The following THOC7 variants were observed in gnomAD, a reference collection of about 807,000 sequenced individuals.
The protein encoded by THOC7 is THO complex subunit 7.
A neutral mutation model predicts 33.1 loss-of-function variants in THOC7; 22 were observed. The observed-to-expected ratio is 0.66, with a 90% confidence interval of 0.47 to 0.95. The LOEUF (loss-of-function observed/expected upper bound fraction) is 0.95. THOC7 is among the 40% of genes least tolerant of loss of function. THOC7 has a pLI of 0.00. For missense variants in THOC7, 184 were observed against 245.3 expected (o/e 0.75, Z 1.67); for synonymous variants, 77 against 76.8 (o/e 1.00, Z -0.01).
At chr3:63,850,043 T>C (rs1701988106) in intron 1 of THOC7, among the ~76,000 whole-genome samples, 1 of 152,146 alleles carries the variant, frequency 6.6e-6, no homozygotes, top group South Asian at 2.1e-4. Context: ...TGGGGACAAC[T>C]TTTCCCAAGA....
intron 1 of THOC7, among the ~76,000 whole-genome samples, chr3:63,850,037 GACA>G (rs1238371737): frequency 4.6e-5 from 7 of 152,070 alleles, no homozygotes; most frequent in African/African-American, 1.7e-4. Flanking sequence ...TCATGCTGGG[GACA>G]ACTTTTCCCA....
At chr3:63,836,487 A>T in intron 4 of THOC7, 129 bp from the exon 5 acceptor site, 1 of 807,828 alleles carries the variant, frequency 1.2e-6, no homozygotes, top group Admixed American at 2.3e-5. Flanking sequence ...TCACTGAAAG[A>T]TGAGTATTGC....
chr3:63,859,368 CCTCCT>C, intron 1 of THOC7, among the ~76,000 whole-genome samples: 1 of 152,342 alleles, frequency 6.6e-6, no homozygotes, highest in Non-Finnish European at 1.5e-5. Context: ...CTCCCTTTTA[CCTCCT>C]TTTGCATCGT....
rs144561636 is a variant in THOC7 at position 63,851,546 on chromosome 3, A to G, written c.20-11773T>C. On this transcript the variant is annotated intron_variant, in intron 1 of 7. Coordinates refer to ENST00000295899, the MANE Select transcript of THOC7 (RefSeq NM_025075.4). ...TTGTAAGAGATCAGAAGAGAATAAC[A>G]GCTAATTTCCCAAAGAGGCCAGTTT... Among the ~76,000 whole-genome samples, 1,306 of 152,354 alleles carry G rather than the reference A, an allele frequency of 8.6e-3. 18 individuals carry two copies. The highest frequency in any genetic ancestry group is 0.027 in the African/African-American group (1,143 of 41,564).
At chr3:63,863,824 G>A (rs1157358811), upstream of THOC7, 1 of 1,228,208 alleles carries the variant, frequency 8.1e-7, no homozygotes, top group Non-Finnish European at 1.0e-6. Flanking sequence ...CGGCGGCGGC[G>A]CAAGCTGAGG....
At chr3:63,864,054 G>A (rs976860306), upstream of THOC7, among the ~76,000 whole-genome samples, 2 of 144,468 alleles carry the variant, frequency 1.4e-5, no homozygotes, top group African/African-American at 5.0e-5. Flanking sequence ...GAGGCTTGGC[G>A]GCCGGCGGCG....
intron 1 of THOC7, among the ~76,000 whole-genome samples, chr3:63,856,333 T>C (rs979412872): frequency 6.6e-6 from 1 of 152,058 alleles, no homozygotes; most frequent in African/African-American, 2.4e-5. Flanking sequence ...TAGTATTTGA[T>C]AGCACAATAG....
chr3:63,834,255 C>T lies in THOC7; in HGVS notation c.548-56G>A, dbSNP rs1040768132. 4.6e-6 allele frequency: 7 copies of T among 1,529,776 alleles called. No homozygotes were observed. In the Admixed American group the frequency reaches 5.0e-5, roughly 11 times the overall value. 94.8% of individuals were successfully genotyped at this position (1,529,776 alleles called of 1,614,324 possible). On this transcript the variant is annotated intron_variant, in intron 7 of 7. Transcript: ENST00000295899. ...GTCAAGTTTGCCTATATTTTATATT[C>T]GATGAACACATGAAAACATGTTTAT...
chr3:63,836,175 T>C, intron 5 of THOC7, 126 bp downstream of exon 5: 1 of 807,142 alleles, frequency 1.2e-6, no homozygotes, highest in Non-Finnish European at 1.9e-6. Context: ...TGGGAAAATA[T>C]AATATTGAAT....
At chr3:63,846,990 A>G (rs1701911600) in intron 1 of THOC7, among the ~76,000 whole-genome samples, 1 of 152,112 alleles carries the variant, frequency 6.6e-6, no homozygotes. Flanking sequence ...TTCCCCAAAT[A>G]AGCAATCCCT....
At chr3:63,851,641 C>T (rs1260228244) in intron 1 of THOC7, among the ~76,000 whole-genome samples, 1 of 152,154 alleles carries the variant, frequency 6.6e-6, no homozygotes, top group East Asian at 1.9e-4. Context: ...AAAAGGTAGG[C>T]TGAAATAACC....
At chr3:63,841,093 A>G (rs1701749124) in intron 1 of THOC7, among the ~76,000 whole-genome samples, 1 of 152,260 alleles carries the variant, frequency 6.6e-6, no homozygotes, top group Admixed American at 6.5e-5. Context: ...CCAAAAGAAT[A>G]GTGCAGATAT....
intron 1 of THOC7, among the ~76,000 whole-genome samples, chr3:63,844,611 C>G (rs974247902): frequency 6.6e-6 from 1 of 152,154 alleles, no homozygotes; most frequent in African/African-American, 2.4e-5. Context: ...CCCTGATGAA[C>G]AGGCTTATGC....
intron 4 of THOC7, among the ~76,000 whole-genome samples, chr3:63,836,605 C>T (rs1559602212): frequency 6.6e-6 from 1 of 151,794 alleles, no homozygotes; most frequent in Non-Finnish European, 1.5e-5. Flanking sequence ...CTGGACAGAA[C>T]GTAAGAGGTC....
At chr3:63,849,630 T>C (rs1701981644) in intron 1 of THOC7, among the ~76,000 whole-genome samples, 1 of 152,200 alleles carries the variant, frequency 6.6e-6, no homozygotes, top group Non-Finnish European at 1.5e-5. Context: ...GCTGCACTTT[T>C]ATAAATAATC....
At chr3:63,847,043 C>T (rs531913529) in intron 1 of THOC7, among the ~76,000 whole-genome samples, 2 of 152,180 alleles carry the variant, frequency 1.3e-5, no homozygotes, top group African/African-American at 2.4e-5. Context: ...AGGGCTAGAA[C>T]GCCTCCTAGT....
chr3:63,839,473 A>G (rs146483827), intron 2 of THOC7, among the ~76,000 whole-genome samples, 183 bp downstream of exon 2: 193 of 152,300 alleles, frequency 1.3e-3, no homozygotes, highest in African/African-American at 4.3e-3. Flanking sequence ...CCATGTTTTA[A>G]TAAACATATG....
chr3:63,850,836 C>G (rs1011471143), intron 1 of THOC7, among the ~76,000 whole-genome samples: 1 of 152,090 alleles, frequency 6.6e-6, no homozygotes, highest in African/African-American at 2.4e-5. Context: ...ATTCACCTCC[C>G]TCAGACTCCC....
intron 1 of THOC7, among the ~76,000 whole-genome samples, chr3:63,840,306 A>G (rs1701730120): frequency 6.6e-6 from 1 of 152,158 alleles, no homozygotes; most frequent in Non-Finnish European, 1.5e-5. Flanking sequence ...TGGGTGAGGG[A>G]AAAAGGAATG....
Sources: gnomAD v4.1 joint callset for allele counts (sites outside exome capture counted in the v4.1 genomes callset) on GRCh38, gnomAD v4.1.1 for gene constraint, MANE v1.5 for transcripts, NCBI Gene and HGNC (gene_info 2026-07-23, HGNC 2026-07-21) for gene names.